The following HS6ST2 variants were observed in gnomAD, a reference collection of about 807,000 sequenced individuals.
HS6ST2 encodes the protein heparan-sulfate 6-O-sulfotransferase 2.
HS6ST2 carries 17 observed loss-of-function variants against 33.0 expected under a neutral mutation model. That is an observed-to-expected ratio of 0.52 (90% CI 0.35 to 0.77). HS6ST2 has a LOEUF of 0.77. Ranked by LOEUF, HS6ST2 falls within the 30% of genes least tolerant of loss-of-function variation. HS6ST2 has a pLI of 0.01. For missense variants in HS6ST2, 519 were observed against 551.7 expected, an observed-to-expected ratio of 0.94 and a Z score of 0.59; for synonymous variants, 248 against 237.1, an observed-to-expected ratio of 1.05 and a Z score of -0.42.
intron 2 of HS6ST2, among the ~76,000 whole-genome samples, chrX:132,941,450 A>C (rs1208704452): frequency 1.8e-5 from 2 of 112,036 alleles, no homozygotes; most frequent in East Asian, 2.8e-4. Context: ...CTCACTAATA[A>C]TTTTTTAAGA....
chrX:132,906,606 C>T (rs1342909990), intron 2 of HS6ST2, among the ~76,000 whole-genome samples: 5 of 111,236 alleles, frequency 4.5e-5, no homozygotes, highest in Admixed American at 3.8e-4. Context: ...AGGGTAGATC[C>T]CTCGTGAATG....
At chrX:132,653,107 C>A (rs2063706216) in intron 4 of HS6ST2, among the ~76,000 whole-genome samples, 1 of 111,551 alleles carries the variant, frequency 9.0e-6, no homozygotes, top group South Asian at 3.8e-4. Flanking sequence ...AGATGAGGAT[C>A]ATTAATCTCG....
chrX:132,823,853 AAATAATAAT>A (rs34008866), intron 2 of HS6ST2, among the ~76,000 whole-genome samples: 32 of 92,516 alleles, frequency 3.5e-4, no homozygotes, highest in Non-Finnish European at 5.1e-4. Context: ...ACTTCATAAA[AAATAATAAT>A]AATAATAATA....
At chrX:132,793,810 C>A (rs190073516) in intron 2 of HS6ST2, among the ~76,000 whole-genome samples, 154 of 112,366 alleles carry the variant, frequency 1.4e-3, no homozygotes, top group Non-Finnish European at 7.1e-4. Flanking sequence ...CAAAAGCAAT[C>A]GAAATCTCAC....
At chrX:132,939,039 G>C (rs1269662616) in intron 2 of HS6ST2, among the ~76,000 whole-genome samples, 1 of 111,267 alleles carries the variant, frequency 9.0e-6, no homozygotes, top group East Asian at 2.8e-4. Flanking sequence ...GGCAAGAGAG[G>C]GAGCAAGAGA....
At chrX:132,941,357 C>A (rs2066885240) in intron 2 of HS6ST2, among the ~76,000 whole-genome samples, 1 of 111,705 alleles carries the variant, frequency 9.0e-6, no homozygotes, top group African/African-American at 3.3e-5. Flanking sequence ...CAAAAGCACA[C>A]CCCTTCCCAT....
At chrX:132,640,677 C>T (rs1362135779) in intron 4 of HS6ST2, among the ~76,000 whole-genome samples, 1 of 111,097 alleles carries the variant, frequency 9.0e-6, no homozygotes, top group Non-Finnish European at 1.9e-5. Flanking sequence ...TTCAAGCATA[C>T]TAAGATTTCC....
intron 2 of HS6ST2, among the ~76,000 whole-genome samples, chrX:132,756,837 G>T (rs2064760307): frequency 9.1e-6 from 1 of 109,751 alleles, no homozygotes; most frequent in Non-Finnish European, 1.9e-5. Context: ...GTGTGTGTGT[G>T]TGTGTGTGTG....
chrX:132,761,325 T>C (rs2064803027), intron 2 of HS6ST2, among the ~76,000 whole-genome samples: 1 of 111,401 alleles, frequency 9.0e-6, no homozygotes, highest in South Asian at 3.9e-4. Flanking sequence ...CTGAAAAGGG[T>C]CCTGGGAAGT....
chrX:132,784,458 C>T (rs752118928), intron 2 of HS6ST2, among the ~76,000 whole-genome samples: 5 of 111,221 alleles, frequency 4.5e-5, no homozygotes, highest in Admixed American at 9.6e-5. Context: ...TACAGGCACA[C>T]GCCACCACGC....
intron 2 of HS6ST2, among the ~76,000 whole-genome samples, chrX:132,754,456 G>A (rs982181790): frequency 2.4e-4 from 24 of 101,491 alleles, no homozygotes; most frequent in Admixed American, 1.3e-3. Flanking sequence ...TTGCTCTGTC[G>A]CCCAGGTTGG....
chrX:132,880,325 C>T (rs2066153277), intron 2 of HS6ST2, among the ~76,000 whole-genome samples: 1 of 110,511 alleles, frequency 9.0e-6, no homozygotes, highest in South Asian at 3.9e-4. Flanking sequence ...CAACTGAGGT[C>T]AGGAGTTCGA....
At chrX:132,674,031 C>A (rs2063906115) in intron 3 of HS6ST2, among the ~76,000 whole-genome samples, 1 of 111,655 alleles carries the variant, frequency 9.0e-6, no homozygotes, top group South Asian at 3.8e-4. Flanking sequence ...TTTTTCACTT[C>A]TTTTGCCCGA....
intron 2 of HS6ST2, among the ~76,000 whole-genome samples, chrX:132,870,826 T>C (rs2066050024): frequency 9.0e-6 from 1 of 111,372 alleles, no homozygotes; most frequent in African/African-American, 3.3e-5. Flanking sequence ...GAAGAAAACC[T>C]AGGCAATACC....
chrX:132,852,566 T>C (rs2065813761), intron 2 of HS6ST2, among the ~76,000 whole-genome samples: 1 of 112,044 alleles, frequency 8.9e-6, no homozygotes, highest in African/African-American at 3.2e-5. Flanking sequence ...CCTTGCCTAT[T>C]TGCATTGTTA....
intron 2 of HS6ST2, among the ~76,000 whole-genome samples, chrX:132,840,085 C>T (rs184338522): frequency 2.7e-5 from 3 of 110,655 alleles, no homozygotes; most frequent in African/African-American, 3.3e-5. Context: ...CACTGCACTC[C>T]AGCCTGAGCA....
At chrX:132,836,424 A>AG (rs1165565801) in intron 2 of HS6ST2, among the ~76,000 whole-genome samples, 1 of 112,843 alleles carries the variant, frequency 8.9e-6, no homozygotes, top group African/African-American at 3.2e-5. Context: ...TTGCTAGGGC[A>AG]GGGGGCCCCT....
intron 2 of HS6ST2, among the ~76,000 whole-genome samples, chrX:132,762,632 A>G (rs2064812699): frequency 9.0e-6 from 1 of 111,502 alleles, no homozygotes; most frequent in African/African-American, 3.3e-5. Context: ...CAGGGACAAG[A>G]ATGGCAGAGA....
At chrX:132,750,346 A>AG (rs2064691634) in intron 2 of HS6ST2, among the ~76,000 whole-genome samples, 1 of 92,049 alleles carries the variant, frequency 1.1e-5, no homozygotes, top group East Asian at 3.2e-4. Context: ...ATGCCCATCA[A>AG]GAAAAAAAAA....
Sources: gnomAD v4.1 joint callset for allele counts (sites outside exome capture counted in the v4.1 genomes callset) on GRCh38, gnomAD v4.1.1 for gene constraint, MANE v1.5 for transcripts, NCBI Gene and HGNC (gene_info 2026-07-23, HGNC 2026-07-21) for gene names.